The following EDEM1 variants were observed in gnomAD, a reference collection of about 807,000 sequenced individuals.
EDEM1 encodes ER degradation enhancing alpha-mannosidase like protein 1, also known as ER degradation-enhancing alpha-mannosidase-like protein 1.
A neutral mutation model predicts 74.4 loss-of-function variants in EDEM1; 67 were observed. The observed-to-expected ratio is 0.90, with a 90% CI of 0.74 to 1.10. The LOEUF is 1.10. EDEM1 is among the 50% of genes least tolerant of loss of function. The pLI, the probability that EDEM1 is intolerant of heterozygous loss-of-function variation, is 0.00. For synonymous variants in EDEM1, 382 were observed against 335.9 expected, an observed-to-expected ratio of 1.14 and a Z score of -1.50; for missense variants, 926 against 851.6, an observed-to-expected ratio of 1.09 and a Z score of -1.09.
At chr3:5,215,108 G>A (rs760364055) in intron 11 of EDEM1, among the ~76,000 whole-genome samples, 2 of 152,072 alleles carry the variant, frequency 1.3e-5, no homozygotes, top group Non-Finnish European at 2.9e-5. Flanking sequence ...TGGAAGGACC[G>A]GCCAGTCTTG....
chr3:5,212,287 C>T (rs1264228646), intron 10 of EDEM1, among the ~76,000 whole-genome samples: 1 of 152,190 alleles, frequency 6.6e-6, no homozygotes, highest in Non-Finnish European at 1.5e-5. Flanking sequence ...GTATGTCCAC[C>T]AGCAGCCCAT....
rs180675810 is a variant in EDEM1 at position 5,203,775 on chromosome 3, T to C, written c.1042+626T>C. On this transcript the variant is annotated intron_variant, in intron 5 of 11. Coordinates refer to ENST00000256497, the MANE Select transcript of EDEM1 (RefSeq NM_014674.3). ...TGAGTTAGGGTCTCACTGTGTCACC[T>C]AGGCTGGAGTTCAGTGGTGTGATCT... 1.4e-3 allele frequency among the ~76,000 whole-genome samples: 208 copies of C among 152,314 alleles called. 1 individual carries two copies. The highest frequency in any genetic ancestry group is 4.9e-3 in the African/African-American group (203 of 41,572).
At chr3:5,199,559 T>G in intron 2 of EDEM1, 33 bp from the exon 3 acceptor site, 1 of 1,507,946 alleles carries the variant, frequency 6.6e-7, no homozygotes, top group Non-Finnish European at 9.2e-7. Flanking sequence ...TCATTTCAAG[T>G]TGCTGTAATG....
At chr3:5,205,741 G>C (rs1559298105) in intron 6 of EDEM1, among the ~76,000 whole-genome samples, 1 of 152,242 alleles carries the variant, frequency 6.6e-6, no homozygotes, top group African/African-American at 2.4e-5. Flanking sequence ...TGATCTGAGA[G>C]AAAAAGAAAG....
At position 5,216,161 on chromosome 3, in the gene EDEM1, T is replaced by C. The variant is rs2055232860; in HGVS notation, c.*243T>C. ...AGAAGATACATGGAAATTGCCCTCT[T>C]ATGACATGTTGATGTTATAAGCACA... is the stretch of plus-strand genomic sequence containing the variant. On this transcript the variant is annotated 3_prime_UTR_variant, in exon 12 of 12. Coordinates refer to ENST00000256497, the MANE Select transcript of EDEM1 (RefSeq NM_014674.3). The C allele has an allele frequency of 2.0e-6, 1 of 509,208 alleles. No homozygotes were observed. Among genetic ancestry groups the C allele is most frequent in the South Asian group, 3.0e-5 (1 of 33,822 alleles). The allele number at this position is 509,208 out of a possible 1,614,324, so 31.5% of individuals were successfully genotyped here.
intron 3 of EDEM1, among the ~76,000 whole-genome samples, 172 bp from the exon 4 acceptor site, chr3:5,201,581 C>T (rs1021636670): frequency 3.4e-4 from 51 of 152,220 alleles, no homozygotes; most frequent in African/African-American, 1.2e-3. Context: ...AAAAATCAAT[C>T]GTGTATTCTT....
At chr3:5,210,439 G>A (rs759037616) in intron 9 of EDEM1, among the ~76,000 whole-genome samples, 191 bp downstream of exon 9, 4 of 152,126 alleles carry the variant, frequency 2.6e-5, no homozygotes, top group Non-Finnish European at 5.9e-5. Context: ...TTTCTTTTCC[G>A]TGAGGTTCTA....
Position 5,187,765 on chromosome 3 carries a change from C to A in EDEM1, c.-41C>A. 1.3e-6 allele frequency: 2 copies of A among 1,498,446 alleles called. No homozygotes were observed. Among genetic ancestry groups the A allele is most frequent in the Admixed American group, 2.1e-5 (1 of 47,022 alleles). 92.8% of individuals were successfully genotyped at this position (1,498,446 alleles called of 1,614,324 possible). A position where few individuals can be genotyped will look rare whatever the true frequency, so the allele number is the denominator to read the frequency against. On this transcript the variant is annotated 5_prime_UTR_variant, in exon 1 of 12. Coordinates refer to ENST00000256497, the MANE Select transcript of EDEM1 (RefSeq NM_014674.3). The stretch of plus-strand genomic sequence containing the variant: ...CGGGGTGCGGTGGTCGGCGGGGAGG[C>A]CCCCGCGCTTTAAAATAATGCCCGC...
At chr3:5,199,515 G>C (rs1416826746) in intron 2 of EDEM1, 77 bp from the exon 3 acceptor site, 1 of 1,034,212 alleles carries the variant, frequency 9.7e-7, no homozygotes, top group Non-Finnish European at 1.4e-6. Context: ...TTTAGGTGAC[G>C]TGACTGGGCT....
At chr3:5,192,937 T>C (rs894084752) in intron 1 of EDEM1, among the ~76,000 whole-genome samples, 4 of 151,848 alleles carry the variant, frequency 2.6e-5, no homozygotes, top group African/African-American at 7.3e-5. Context: ...TTTTTTTTTT[T>C]ACTGTGGCAG....
intron 3 of EDEM1, among the ~76,000 whole-genome samples, chr3:5,200,011 C>T (rs1475983186): frequency 1.3e-5 from 2 of 150,998 alleles, no homozygotes; most frequent in Non-Finnish European, 2.9e-5. Context: ...TCTTGGCTCA[C>T]TGCAATCTCC....
At position 5,188,124 on chromosome 3, in the gene EDEM1, C is replaced by CG; in HGVS notation, c.323dup (p.Arg109ProfsTer69). ...CAACTGGGGCTACGTGCTGGGCGGC[C>CG]GGGGCCGCGGCCCGGACGAGTACGA... On this transcript the variant is annotated frameshift_variant, in exon 1 of 12. Transcript: ENST00000256497. LOFTEE classifies it high-confidence loss of function. 6.6e-7 allele frequency: 1 copy of CG among 1,523,750 alleles called. No individual in the cohort carries two copies. Among genetic ancestry groups the CG allele is most frequent in the Non-Finnish European group, 8.8e-7 (1 of 1,135,288 alleles). The allele number at this position is 1,523,750 out of a possible 1,614,324, so 94.4% of individuals were successfully genotyped here. A position where few individuals can be genotyped will look rare whatever the true frequency, so the allele number is the denominator to read the frequency against.
intron 3 of EDEM1, among the ~76,000 whole-genome samples, chr3:5,200,125 T>G (rs13083521): frequency 0.16 from 23,752 of 151,992 alleles, 2,126 homozygotes; most frequent in African/African-American, 0.23. Flanking sequence ...AGAGATGAGA[T>G]TTCACCATGT....
chr3:5,201,709 C>T (rs61122170), intron 3 of EDEM1, 44 bp from the exon 4 acceptor site: 4 of 1,608,524 alleles, frequency 2.5e-6, no homozygotes, highest in Non-Finnish European at 3.4e-6. Flanking sequence ...TGTGCATTTA[C>T]AAGCAACACG....
At chr3:5,189,906 T>C (rs1162711365) in intron 1 of EDEM1, among the ~76,000 whole-genome samples, 1 of 152,200 alleles carries the variant, frequency 6.6e-6, no homozygotes, top group Admixed American at 6.5e-5. Flanking sequence ...GCCATGGTCT[T>C]TCCAGATTTT....
chr3:5,213,877 G>C (rs1048994362), intron 11 of EDEM1, among the ~76,000 whole-genome samples: 2 of 152,276 alleles, frequency 1.3e-5, no homozygotes, highest in South Asian at 2.1e-4. Context: ...ACCCCTCCCC[G>C]CTCCCCCAGT....
In EDEM1 at chr3:5,188,061, G is replaced by A. The variant is rs747261681; in HGVS notation, c.256G>A (p.Ala86Thr). Residue 86 changes from alanine to threonine, a missense_variant, in exon 1 of 12, where the codon GCT (alanine) becomes ACT (threonine). Coordinates refer to ENST00000256497, the MANE Select transcript of EDEM1 (RefSeq NM_014674.3). ...CGGGGCAGCGCAGAGCCCGCGCAAG[G>A]CTCCGCGGCGTCCTGGGCCGGGGAT... Reference protein sequence around the residue: ...GTGAAQSPRKAPRRPGPGMCG... With the variant: ...GTGAAQSPRKTPRRPGPGMCG... 6 of 1,445,478 alleles carry A rather than the reference G, an allele frequency of 4.2e-6. No individual in the cohort carries two copies. The highest frequency in any genetic ancestry group is 5.5e-6 in the Non-Finnish European group (6 of 1,100,174). The allele number at this position is 1,445,478 out of a possible 1,614,324, so 89.5% of individuals were successfully genotyped here.
chr3:5,208,240 G>A lies in EDEM1; in HGVS notation c.1486G>A (p.Glu496Lys). 2.5e-6 allele frequency: 4 copies of A among 1,612,264 alleles called. No homozygotes were observed. The highest frequency in any genetic ancestry group is 3.4e-6 in the Non-Finnish European group (4 of 1,179,542). The change falls in exon 8 of 12, where the codon GAA becomes AAA. Residue 496 changes from glutamate to lysine, a missense_variant. Physicochemically the swap from Glu to Lys is moderately conservative, Grantham distance 56 (BLOSUM62 1). Transcript: ENST00000256497. ...LFYPLRPELV[E>K]STYLLYQATK... Reference sequence around the variant, plus strand: ...CTACCCACTGAGACCAGAGTTAGTGGAATCCACATATCTCCTCTACCAGGT... The same window carrying A: ...CTACCCACTGAGACCAGAGTTAGTGAAATCCACATATCTCCTCTACCAGGT...
At chr3:5,197,763 T>C (rs1320981868) in intron 2 of EDEM1, among the ~76,000 whole-genome samples, 1 of 152,244 alleles carries the variant, frequency 6.6e-6, no homozygotes, top group Non-Finnish European at 1.5e-5. Context: ...GACCATTGGA[T>C]GCAACTTGCA....
Sources: gnomAD v4.1 joint callset for allele counts (sites outside exome capture counted in the v4.1 genomes callset) on GRCh38, gnomAD v4.1.1 for gene constraint, MANE v1.5 for transcripts, NCBI Gene and HGNC (gene_info 2026-07-23, HGNC 2026-07-21) for gene names.